NT5DC4: variants seen among roughly 807,000 people sequenced by gnomAD.
The protein encoded by NT5DC4 is 5'-nucleotidase domain containing 4.
A neutral mutation model predicts 26.6 loss-of-function variants in NT5DC4; 44 were observed. The ratio of observed to expected loss-of-function variants is 1.65; its 90% CI spans 1.30 to 2.13. The LOEUF (loss-of-function observed/expected upper bound fraction) is 2.13. NT5DC4 is among the 30% of genes most tolerant of loss of function. NT5DC4 has a pLI of 0.00. For missense variants in NT5DC4, 399 were observed against 228.1 expected, an observed-to-expected ratio of 1.75 and a Z score of -4.83; for synonymous variants, 157 against 86.7, an observed-to-expected ratio of 1.81 and a Z score of -4.51.
chr2:112,742,349 G>C, downstream of NT5DC4: 1 of 716,608 alleles, frequency 1.4e-6, no homozygotes, highest in Admixed American at 2.0e-5. Flanking sequence ...ATTTAGATGA[G>C]TATGTTGGTG....
chr2:112,733,978 T>C (rs1254390655), intron 16 of NT5DC4, among the ~76,000 whole-genome samples: 1 of 152,092 alleles, frequency 6.6e-6, no homozygotes, highest in Non-Finnish European at 1.5e-5. Context: ...TTACTTTAAA[T>C]AGAGATAGGA....
chr2:112,734,090 A>AT (rs1216963440), intron 16 of NT5DC4, among the ~76,000 whole-genome samples: 9 of 152,062 alleles, frequency 5.9e-5, no homozygotes, highest in Non-Finnish European at 1.0e-4. Flanking sequence ...TAAAGCTATT[A>AT]TAAGGATATA....
At chr2:112,723,684 T>C (rs1373343664) in intron 8 of NT5DC4, 35 bp from the exon 9 acceptor site, 2 of 712,788 alleles carry the variant, frequency 2.8e-6, no homozygotes, top group Admixed American at 4.0e-5. Context: ...GCTCTGGGAG[T>C]CCCACCCCTG....
At position 112,723,361 on chromosome 2, in the gene NT5DC4, GCA is replaced by G. The variant is rs36112869; in HGVS notation, c.622-24_622-23del. The stretch of plus-strand genomic sequence containing the variant: ...CACAGACATGTGGGTGGGTACACAT[GCA>G]CACACACACACACACACACACACAC... On this transcript the variant is annotated intron_variant, in intron 7 of 16. Coordinates refer to ENST00000688554, the MANE Select transcript of NT5DC4 (RefSeq NM_001393655.1). 1.3e-3 allele frequency: 835 copies of G among 637,822 alleles called. 8 individuals are homozygous for G. The highest frequency in any genetic ancestry group is 6.5e-3 in the Admixed American group (263 of 40,278). 39.5% of individuals were successfully genotyped at this position (637,822 alleles called of 1,614,324 possible). A position where few individuals can be genotyped will look rare whatever the true frequency, so the allele number is the denominator to read the frequency against.
At chr2:112,738,853 T>C (rs754479578) in intron 16 of NT5DC4, 60 bp from the exon 17 acceptor site, 2 of 1,613,130 alleles carry the variant, frequency 1.2e-6, no homozygotes, top group Non-Finnish European at 1.7e-6. Flanking sequence ...ACCCCAATGT[T>C]ACAGGCAGCG....
At chr2:112,719,930 CTTTCTTTCTTTCTT>C (rs1574219152), upstream of NT5DC4, among the ~76,000 whole-genome samples, 37 of 47,170 alleles carry the variant, frequency 7.8e-4, no homozygotes, top group Admixed American at 3.0e-3. Flanking sequence ...CTTTCTCTTT[CTTTCTTTCTTTCTT>C]TCTTTCTTTC....
At chr2:112,722,391 G>T (rs1274996278) in intron 4 of NT5DC4, 92 bp from the exon 5 acceptor site, 3 of 713,304 alleles carry the variant, frequency 4.2e-6, no homozygotes, top group Non-Finnish European at 7.8e-6. Flanking sequence ...TGGAGGCTCA[G>T]CACAGAAGGG....
intron 14 of NT5DC4, 39 bp downstream of exon 14, chr2:112,726,328 G>A: frequency 2.8e-6 from 2 of 717,106 alleles, no homozygotes; most frequent in Non-Finnish European, 5.2e-6. Context: ...ATGGGGCAGG[G>A]AGAGGTATGG....
At chr2:112,728,352 T>C (rs1678029410) in intron 15 of NT5DC4, among the ~76,000 whole-genome samples, 1 of 152,172 alleles carries the variant, frequency 6.6e-6, no homozygotes. Context: ...CAGCAGATGA[T>C]ACAGTAAACA....
chr2:112,738,532 G>A (rs2104835681), intron 16 of NT5DC4: 1 of 333,694 alleles, frequency 3.0e-6, no homozygotes, highest in East Asian at 6.4e-5. Flanking sequence ...ACTATGTTGG[G>A]ATTAAAGTAG....
downstream of NT5DC4, chr2:112,742,840 C>A: frequency 1.0e-6 from 1 of 954,870 alleles, no homozygotes. Flanking sequence ...GGAACTTTAA[C>A]TTCAAATACA....
chr2:112,721,647 C>T, intron 1 of NT5DC4, 171 bp from the exon 2 acceptor site: 2 of 716,642 alleles, frequency 2.8e-6, no homozygotes, highest in Non-Finnish European at 5.2e-6. Context: ...CCTTCAGACA[C>T]ACATGGGTCC....
Position 112,725,331 on chromosome 2 carries a change from C to T in NT5DC4, c.983-51C>T, listed in dbSNP as rs1677563657. The T allele has an allele frequency of 3.0e-5, 21 of 689,572 alleles. 2 individuals are homozygous for T. The highest frequency in any genetic ancestry group is 2.9e-4 in the South Asian group (19 of 65,978). 42.7% of individuals were successfully genotyped at this position (689,572 alleles called of 1,614,324 possible). A position where few individuals can be genotyped will look rare whatever the true frequency, so the allele number is the denominator to read the frequency against. ...CCCCTCACCTGCCCCGAGTCACCTA[C>T]CCCAAGGCAGGAAGGGCAAACGAGT... On this transcript the variant is annotated intron_variant, in intron 12 of 16. Transcript: ENST00000688554.
intron 15 of NT5DC4, 142 bp downstream of exon 15, chr2:112,726,880 T>G (rs1334307653): frequency 9.1e-6 from 6 of 662,608 alleles, no homozygotes; most frequent in Non-Finnish European, 1.7e-5. Flanking sequence ...GGGCTCCACC[T>G]GCCTTGTCAG....
chr2:112,732,670 A>G (rs1314954001), intron 16 of NT5DC4, among the ~76,000 whole-genome samples: 1 of 152,218 alleles, frequency 6.6e-6, no homozygotes, highest in Non-Finnish European at 1.5e-5. Flanking sequence ...CAGGGTAGAG[A>G]GGATACAGAA....
intron 16 of NT5DC4, among the ~76,000 whole-genome samples, chr2:112,734,308 C>G (rs1046877196): frequency 2.6e-5 from 4 of 151,978 alleles, no homozygotes; most frequent in African/African-American, 9.7e-5. Context: ...CCAGGGTTAG[C>G]CCAGCTCCAG....
downstream of NT5DC4, chr2:112,741,141 T>C (rs1171513286): frequency 4.5e-6 from 3 of 670,542 alleles, no homozygotes; most frequent in Non-Finnish European, 7.7e-6. Flanking sequence ...TGAATAGTGA[T>C]TGATTTGAAG....
intron 10 of NT5DC4, chr2:112,724,329 C>A (rs1447790984): frequency 1.6e-6 from 1 of 612,312 alleles, no homozygotes; most frequent in Non-Finnish European, 2.9e-6. Flanking sequence ...TGGGAGGAGC[C>A]TTTGGGGGTG....
At chr2:112,721,915 T>C (rs1277778303) in intron 2 of NT5DC4, 24 bp downstream of exon 2, 1 of 717,292 alleles carries the variant, frequency 1.4e-6, no homozygotes, top group Non-Finnish European at 2.6e-6. Context: ...GAACACAGCG[T>C]ATTGGGAGCT....
Sources: allele counts gnomAD v4.1 joint callset (sites outside exome capture counted in the v4.1 genomes callset), GRCh38; gene constraint gnomAD v4.1.1; transcripts MANE v1.5; gene names NCBI Gene and HGNC (gene_info 2026-07-23, HGNC 2026-07-21).